RSPO2: variants seen among roughly 807,000 people sequenced by gnomAD.
RSPO2 encodes R-spondin-2.
RSPO2 carries 14 observed loss-of-function variants against 30.9 expected under a neutral mutation model. That is an observed-to-expected ratio of 0.45 (90% CI 0.30 to 0.71). The LOEUF (loss-of-function observed/expected upper bound fraction) is 0.71. RSPO2 is among the 30% of genes least tolerant of loss of function. The pLI is 0.08. For synonymous variants in RSPO2, 107 were observed against 96.4 expected (o/e 1.11, Z -0.64); for missense variants, 264 against 301.9 (o/e 0.87, Z 0.93).
intron 5 of RSPO2, among the ~76,000 whole-genome samples, chr8:107,956,021 T>G (rs144693320): frequency 2.6e-5 from 4 of 152,204 alleles, no homozygotes; most frequent in Non-Finnish European, 4.4e-5. Flanking sequence ...CCATGACCTA[T>G]TGAAGAAAGG....
chr8:107,926,893 C>T (rs1487718996), intron 5 of RSPO2, among the ~76,000 whole-genome samples: 1 of 152,040 alleles, frequency 6.6e-6, no homozygotes, highest in East Asian at 1.9e-4. Flanking sequence ...TTTTTTGGTT[C>T]CATATGAACT....
At chr8:108,031,777 T>C (rs966761269) in intron 2 of RSPO2, among the ~76,000 whole-genome samples, 1 of 152,092 alleles carries the variant, frequency 6.6e-6, no homozygotes, top group Non-Finnish European at 1.5e-5. Context: ...GATGCATCAA[T>C]CTGCAGAGGT....
intron 2 of RSPO2, among the ~76,000 whole-genome samples, chr8:108,060,015 A>C (rs561174359): frequency 6.6e-6 from 1 of 150,990 alleles, no homozygotes; most frequent in African/African-American, 2.5e-5. Flanking sequence ...TAATAAAATA[A>C]AATTAAAAAA....
chr8:107,993,433 T>C (rs1425329900), intron 2 of RSPO2, among the ~76,000 whole-genome samples: 2 of 152,172 alleles, frequency 1.3e-5, no homozygotes, highest in African/African-American at 2.4e-5. Flanking sequence ...GAAATTCACA[T>C]ACATTATGCT....
At chr8:107,916,894 G>A (rs1325237684) in intron 5 of RSPO2, among the ~76,000 whole-genome samples, 1 of 152,156 alleles carries the variant, frequency 6.6e-6, no homozygotes, top group Admixed American at 6.5e-5. Context: ...TTATGAAAAT[G>A]TTACCTTATG....
At chr8:107,913,648 G>C (rs1293772818) in intron 5 of RSPO2, among the ~76,000 whole-genome samples, 1 of 152,110 alleles carries the variant, frequency 6.6e-6, no homozygotes, top group African/African-American at 2.4e-5. Flanking sequence ...CTACAGCCTT[G>C]CTGGATTATC....
intron 2 of RSPO2, among the ~76,000 whole-genome samples, chr8:108,047,856 GA>G (rs5893903): frequency 0.37 from 50,780 of 135,620 alleles, 8,703 homozygotes; most frequent in Non-Finnish European, 0.4. Flanking sequence ...GGCTCAGGGA[GA>G]AAAAAAAAAA....
At chr8:108,003,056 T>C (rs947615178) in intron 2 of RSPO2, among the ~76,000 whole-genome samples, 1 of 150,346 alleles carries the variant, frequency 6.7e-6, no homozygotes, top group African/African-American at 2.4e-5. Flanking sequence ...CAATAATTTT[T>C]TTTTTTTTTT....
intron 2 of RSPO2, among the ~76,000 whole-genome samples, chr8:108,064,058 C>G (rs1348960888): frequency 6.6e-6 from 1 of 152,136 alleles, no homozygotes; most frequent in Non-Finnish European, 1.5e-5. Flanking sequence ...AAACGTTAGA[C>G]CTAAAACCAT....
intron 2 of RSPO2, among the ~76,000 whole-genome samples, chr8:108,060,905 C>T (rs1342256382): frequency 6.6e-6 from 1 of 151,778 alleles, no homozygotes; most frequent in Non-Finnish European, 1.5e-5. Context: ...AAAGAATTTT[C>T]AACCCAGAAT....
At chr8:107,945,315 C>A (rs1813025397) in intron 5 of RSPO2, among the ~76,000 whole-genome samples, 1 of 128,364 alleles carries the variant, frequency 7.8e-6, no homozygotes. Flanking sequence ...GTGGCGCGAT[C>A]TCGGCTCACT....
chr8:107,907,277 G>A (rs1811678323), intron 5 of RSPO2, among the ~76,000 whole-genome samples: 3 of 151,902 alleles, frequency 2.0e-5, no homozygotes, highest in Non-Finnish European at 4.4e-5. Context: ...GGCATTTTCA[G>A]TAACAATCAT....
At chr8:107,938,285 TCTAA>T (rs1348913866) in intron 5 of RSPO2, among the ~76,000 whole-genome samples, 1 of 152,156 alleles carries the variant, frequency 6.6e-6, no homozygotes, top group Non-Finnish European at 1.5e-5. Flanking sequence ...TTGTGATAGT[TCTAA>T]CTATCCACCT....
intron 5 of RSPO2, among the ~76,000 whole-genome samples, chr8:107,917,348 G>A (rs1812014187): frequency 6.6e-6 from 1 of 152,116 alleles, no homozygotes; most frequent in Non-Finnish European, 1.5e-5. Context: ...AGCCGAGCAT[G>A]GTGGTGGGTG....
At chr8:107,934,934 T>A (rs113572654) in intron 5 of RSPO2, among the ~76,000 whole-genome samples, 6 of 152,200 alleles carry the variant, frequency 3.9e-5, no homozygotes, top group South Asian at 2.1e-4. Flanking sequence ...TGAGGATGTA[T>A]GTTGCCTCAG....
chr8:107,975,905 T>C lies in RSPO2; in HGVS notation c.283+13151A>G, dbSNP rs76860891. 4.0e-3 allele frequency among the ~76,000 whole-genome samples: 611 copies of C among 152,338 alleles called. 5 individuals are homozygous for C. The highest frequency in any genetic ancestry group is 0.014 in the African/African-American group (588 of 41,578). ...AACTGAGAGATTTGGCATGTAATAG[T>C]ATCCAGCTGTCTTCTAATAAGTGGA... On this transcript the variant is annotated intron_variant, in intron 3 of 5. Coordinates refer to ENST00000276659, the MANE Select transcript of RSPO2 (RefSeq NM_178565.5).
rs59249399 is a variant in RSPO2 at position 107,924,822 on chromosome 8, GCACACA to G, written c.617-23638_617-23633del. On this transcript the variant is annotated intron_variant, in intron 5 of 5. Coordinates refer to ENST00000276659, the MANE Select transcript of RSPO2 (RefSeq NM_178565.5). The stretch of plus-strand genomic sequence containing the variant: ...TGTATTCCCAGCTCTCACCTAACAT[GCACACA>G]CACACACACACACACACACACAAAA... Among the ~76,000 whole-genome samples the G allele has an allele frequency of 2.7e-3, 397 of 148,126 alleles. 1 individual carries two copies. The highest frequency in any genetic ancestry group is 7.3e-3 in the African/African-American group (292 of 40,178).
chr8:108,039,982 G>A (rs1283717426), intron 2 of RSPO2, among the ~76,000 whole-genome samples: 1 of 152,074 alleles, frequency 6.6e-6, no homozygotes, highest in Non-Finnish European at 1.5e-5. Flanking sequence ...ACCAGAGAAT[G>A]ACCATGCTGG....
intron 5 of RSPO2, among the ~76,000 whole-genome samples, chr8:107,912,536 G>C (rs1040805644): frequency 4.6e-5 from 7 of 152,158 alleles, no homozygotes; most frequent in Non-Finnish European, 8.8e-5. Context: ...TGCTATAGCA[G>C]ATTCATCTCT....
Sources: gnomAD v4.1 joint callset for allele counts (sites outside exome capture counted in the v4.1 genomes callset) on GRCh38, gnomAD v4.1.1 for gene constraint, MANE v1.5 for transcripts, NCBI Gene and HGNC (gene_info 2026-07-23, HGNC 2026-07-21) for gene names.